DOP1B: variants seen among roughly 807,000 people sequenced by gnomAD.
DOP1B encodes protein DOP1B.
DOP1B carries 174 observed loss-of-function variants against 233.5 expected under a neutral mutation model. The ratio of observed to expected loss-of-function variants is 0.75; its 90% CI spans 0.66 to 0.85. The LOEUF (loss-of-function observed/expected upper bound fraction) is 0.85, where lower values mean the gene tolerates loss of function less well. Ranked by LOEUF, DOP1B falls within the 40% of genes least tolerant of loss-of-function variation. The pLI is 0.00. For missense variants in DOP1B, 2,652 were observed against 2,846.6 expected (o/e 0.93, Z 1.56); for synonymous variants, 1,190 against 1,185.6 (o/e 1.00, Z -0.08).
intron 2 of DOP1B, among the ~76,000 whole-genome samples, chr21:36,186,056 A>G (rs1036780988): frequency 1.3e-5 from 2 of 152,156 alleles, no homozygotes; most frequent in Non-Finnish European, 2.9e-5. Context: ...TACAAAAATT[A>G]GCTGGGCGTG....
intron 2 of DOP1B, among the ~76,000 whole-genome samples, chr21:36,170,801 CA>C (rs750146188): frequency 0.058 from 6,763 of 117,576 alleles, 179 homozygotes; most frequent in Non-Finnish European, 0.081. Context: ...AACCCTGTTT[CA>C]AAAAAAAAAA....
Position 36,277,010 on chromosome 21 carries a change from T to C in DOP1B, c.5633-11T>C. 1.2e-6 allele frequency: 2 copies of C among 1,614,018 alleles called. No individual in the cohort carries two copies. The highest frequency in any genetic ancestry group is 1.1e-5 in the South Asian group (1 of 91,070). The stretch of plus-strand genomic sequence containing the variant: ...CATAGTTAACATACAAATGGCTCTT[T>C]CTGTTCACAGATGCTGCTGCAGCTT... On this transcript the variant is annotated splice_polypyrimidine_tract_variant and intron_variant, in intron 27 of 36. Coordinates refer to ENST00000691173, the MANE Select transcript of DOP1B (RefSeq NM_001320714.2).
At chr21:36,161,640 C>G (rs766305361) in intron 1 of DOP1B, among the ~76,000 whole-genome samples, 5 of 152,168 alleles carry the variant, frequency 3.3e-5, no homozygotes, top group Non-Finnish European at 7.3e-5. Flanking sequence ...AGGCATGAGC[C>G]ACTGTGCCCA....
In DOP1B at chr21:36,170,054, C is replaced by T. The variant is rs998977847; in HGVS notation, c.138+5183C>T. On this transcript the variant is annotated intron_variant, in intron 2 of 36. Transcript: ENST00000691173. ...GCCTTGTATCCCAGGAAGGCTGTGACGTTGACCAGCTTGGAAGGGTCATCC... is the reference window on the plus strand; with the variant it reads ...GCCTTGTATCCCAGGAAGGCTGTGATGTTGACCAGCTTGGAAGGGTCATCC... 62 of 710,756 alleles carry T rather than the reference C, an allele frequency of 8.7e-5. No individual in the cohort carries two copies. In the East Asian group the frequency reaches 1.5e-3, roughly 17 times the overall value. 44.0% of individuals were successfully genotyped at this position (710,756 alleles called of 1,614,324 possible).
chr21:36,223,378 T>C, intron 11 of DOP1B, 28 bp downstream of exon 11: 1 of 1,597,164 alleles, frequency 6.3e-7, no homozygotes, highest in Non-Finnish European at 8.5e-7. Context: ...GAATGCAGAA[T>C]ATTTAGGAAG....
chr21:36,199,295 A>ATAAAAC, intron 3 of DOP1B, 44 bp downstream of exon 3: 1 of 1,577,924 alleles, frequency 6.3e-7, no homozygotes, highest in East Asian at 2.3e-5. Context: ...TACCCAAGTA[A>ATAAAAC]CCGGTATTTC....
intron 31 of DOP1B, 129 bp downstream of exon 31, chr21:36,280,475 T>C (rs1033814875): frequency 1.4e-5 from 8 of 580,572 alleles, no homozygotes; most frequent in Non-Finnish European, 2.3e-5. Context: ...AAGACTGTAA[T>C]GTGATGTTCA....
In DOP1B at chr21:36,246,704, T is replaced by C; in HGVS notation, c.4697+27T>C. The stretch of plus-strand genomic sequence containing the variant: ...TGCGTTACGCTCCTTGTGACATCTT[T>C]ATTGCTTTAGTGATGGTTTTTATAA... On this transcript the variant is annotated intron_variant, in intron 19 of 36. Coordinates refer to ENST00000691173, the MANE Select transcript of DOP1B (RefSeq NM_001320714.2). This position sits in a 1 kb window ranked among gnomAD's most constrained non-coding sequence, Gnocchi z 5.1. The C allele has an allele frequency of 6.3e-7, 1 of 1,583,378 alleles. No homozygotes were observed. Among genetic ancestry groups the C allele is most frequent in the South Asian group, 1.1e-5 (1 of 88,476 alleles).
At chr21:36,288,950 TAAAAAG>T (rs2067520829) in intron 34 of DOP1B, 89 bp from the exon 35 acceptor site, 1 of 1,532,494 alleles carries the variant, frequency 6.5e-7, no homozygotes, top group Non-Finnish European at 8.8e-7. Flanking sequence ...AAAAATTTCT[TAAAAAG>T]AAAATTCTTC....
intron 10 of DOP1B, among the ~76,000 whole-genome samples, chr21:36,221,482 G>A (rs931023183): frequency 4.3e-4 from 65 of 152,004 alleles, no homozygotes; most frequent in African/African-American, 1.4e-3. Flanking sequence ...GCGACAGAGC[G>A]ACACTTCATC....
intron 32 of DOP1B, among the ~76,000 whole-genome samples, chr21:36,284,319 G>A (rs575268351): frequency 1.5e-5 from 2 of 133,786 alleles, no homozygotes; most frequent in East Asian, 4.2e-4. Flanking sequence ...CGCCCAGGCT[G>A]GAGTGCAGTG....
intron 15 of DOP1B, among the ~76,000 whole-genome samples, chr21:36,234,167 CT>C (rs2066800115): frequency 6.6e-6 from 1 of 152,064 alleles, no homozygotes; most frequent in Non-Finnish European, 1.5e-5. Flanking sequence ...TGCTTATTGA[CT>C]TTTGTACCAC....
intron 4 of DOP1B, among the ~76,000 whole-genome samples, 173 bp downstream of exon 4, chr21:36,200,674 T>A (rs1179031405): frequency 6.6e-6 from 1 of 152,150 alleles, no homozygotes; most frequent in Non-Finnish European, 1.5e-5. Flanking sequence ...AAACCCTGCC[T>A]CTACTAAAAA....
intron 2 of DOP1B, among the ~76,000 whole-genome samples, 171 bp downstream of exon 2, chr21:36,165,042 A>G (rs754299115): frequency 6.6e-6 from 1 of 152,090 alleles, no homozygotes; most frequent in South Asian, 2.1e-4. Context: ...TATATATACA[A>G]TGATGATTAC....
intron 1 of DOP1B, among the ~76,000 whole-genome samples, chr21:36,159,125 T>C (rs1361362867): frequency 6.6e-6 from 1 of 151,256 alleles, no homozygotes; most frequent in African/African-American, 2.4e-5. Flanking sequence ...AGAGCGAGAC[T>C]CTGTCTCAAA....
chr21:36,229,551 C>CT (rs2066734104), intron 13 of DOP1B, among the ~76,000 whole-genome samples: 1 of 151,852 alleles, frequency 6.6e-6, no homozygotes, highest in Admixed American at 6.6e-5. Flanking sequence ...TGCAGAGACT[C>CT]TATTTTCAAA....
chr21:36,195,932 A>C (rs1479748540), intron 2 of DOP1B, among the ~76,000 whole-genome samples: 2 of 152,248 alleles, frequency 1.3e-5, no homozygotes. Context: ...CAGGGAAAAG[A>C]GAAGTGATAA....
In DOP1B at chr21:36,251,298, A is replaced by G. The variant is rs189361133; in HGVS notation, c.5121+14A>G. 1.5e-3 allele frequency: 2,407 copies of G among 1,606,248 alleles called. 25 individuals are homozygous for G. Among genetic ancestry groups the G allele is most frequent in the East Asian group, 0.014 (622 of 44,796 alleles). On this transcript the variant is annotated intron_variant, in intron 22 of 36. Transcript: ENST00000691173. ...AGTAAGATGAAGGTAAAGTTTAAAA[A>G]GTTACAGGAGTGGTTAAACTTACTG... is the stretch of plus-strand genomic sequence containing the variant.
intron 32 of DOP1B, among the ~76,000 whole-genome samples, chr21:36,284,193 G>A (rs1052357262): frequency 6.0e-5 from 9 of 150,184 alleles, no homozygotes; most frequent in African/African-American, 2.0e-4. Flanking sequence ...CAAGTGATCC[G>A]CCTGTGTTGG....
Sources: gnomAD v4.1 joint callset for allele counts (sites outside exome capture counted in the v4.1 genomes callset) on GRCh38, gnomAD v4.1.1 for gene constraint, Gnocchi (gnomAD v3.1) non-coding constraint, MANE v1.5 for transcripts, NCBI Gene and HGNC (gene_info 2026-07-23, HGNC 2026-07-21) for gene names.